Variants in MCC observed in about 807,000 individuals in gnomAD.
MCC encodes colorectal mutant cancer protein.
In MCC, 90 loss-of-function variants were observed where a neutral mutation model predicts 116.2. That is an observed-to-expected ratio of 0.77 (90% confidence interval 0.65 to 0.92). MCC has a LOEUF of 0.92. MCC is among the 40% of genes least tolerant of loss of function. MCC has a pLI of 0.00. For missense variants in MCC, 1,516 were observed against 1,312.2 expected, an observed-to-expected ratio of 1.16 and a Z score of -2.40; for synonymous variants, 578 against 510.5, an observed-to-expected ratio of 1.13 and a Z score of -1.78.
At chr5:113,447,365 T>A (rs1771253183) in intron 1 of MCC, among the ~76,000 whole-genome samples, 1 of 152,230 alleles carries the variant, frequency 6.6e-6, no homozygotes, top group African/African-American at 2.4e-5. Flanking sequence ...GTTTACTTTT[T>A]CCTTTATAAA....
rs187018160 is a variant in MCC, at chr5:113,190,592, C to T, written c.628-39170G>A. ...TGTAGAGCTATTCAGTATTAGTGTCCCTTCTGCTGAAAAAACCAAACAGAC... is the reference window on the plus strand; with the variant it reads ...TGTAGAGCTATTCAGTATTAGTGTCTCTTCTGCTGAAAAAACCAAACAGAC... On this transcript the variant is annotated intron_variant, in intron 3 of 18. Transcript: ENST00000408903. Among the ~76,000 whole-genome samples the T allele has an allele frequency of 9.2e-5, 14 of 152,206 alleles. 1 individual carries two copies. Among genetic ancestry groups the T allele is most frequent in the African/African-American group, 3.1e-4 (13 of 41,540 alleles).
At chr5:113,237,383 A>G (rs1764171867) in intron 3 of MCC, among the ~76,000 whole-genome samples, 1 of 152,192 alleles carries the variant, frequency 6.6e-6, no homozygotes, top group Non-Finnish European at 1.5e-5. Flanking sequence ...ATTTTCATTG[A>G]TATGCGGAAA....
chr5:113,033,964 G>A (rs1252367998), intron 17 of MCC, among the ~76,000 whole-genome samples: 1 of 152,182 alleles, frequency 6.6e-6, no homozygotes, highest in Non-Finnish European at 1.5e-5. Flanking sequence ...ACAGCTCACT[G>A]CAGCCTCGAC....
At chr5:113,258,173 A>AAAGAACCTAGAATAGCCAG (rs1257600074) in intron 3 of MCC, among the ~76,000 whole-genome samples, 4 of 152,240 alleles carry the variant, frequency 2.6e-5, no homozygotes, top group African/African-American at 9.6e-5. Context: ...GAAAGGAATT[A>AAAGAACCTAGAATAGCCAG]AAAAACCAAA....
chr5:113,370,145 A>AT (rs1393078495), intron 2 of MCC, among the ~76,000 whole-genome samples: 41 of 152,194 alleles, frequency 2.7e-4, no homozygotes, highest in African/African-American at 9.9e-4. Context: ...CTTATTCTAC[A>AT]CAGTTGGCAA....
At chr5:113,226,277 A>C (rs1220174577) in intron 3 of MCC, among the ~76,000 whole-genome samples, 1 of 152,254 alleles carries the variant, frequency 6.6e-6, no homozygotes, top group Non-Finnish European at 1.5e-5. Flanking sequence ...ATTCCATGGA[A>C]TGGAACTGAG....
chr5:113,208,536 T>C (rs1398642924), intron 3 of MCC, among the ~76,000 whole-genome samples: 1 of 152,126 alleles, frequency 6.6e-6, no homozygotes, highest in African/African-American at 2.4e-5. Context: ...CTCAAAGAAC[T>C]AGGTTCTTCG....
intron 7 of MCC, among the ~76,000 whole-genome samples, chr5:113,103,314 T>A (rs897318858): frequency 1.3e-5 from 2 of 152,200 alleles, no homozygotes; most frequent in African/African-American, 4.8e-5. Context: ...CCAGACCCTG[T>A]GGCTTTGTCC....
In MCC at chr5:113,308,678, T is replaced by C. The variant is rs191585828; in HGVS notation, c.627+31841A>G. On this transcript the variant is annotated intron_variant, in intron 3 of 18. Coordinates refer to ENST00000408903, the MANE Select transcript of MCC (RefSeq NM_001085377.2). ...GTCTCTACAGAAAATCTAACAAAAATTATCCAGGCCTGGTCCCAGCTACTC... is the reference window on the plus strand; with the variant it reads ...GTCTCTACAGAAAATCTAACAAAAACTATCCAGGCCTGGTCCCAGCTACTC... Among the ~76,000 whole-genome samples the C allele has an allele frequency of 2.8e-4, 42 of 151,976 alleles. No individual in the cohort carries two copies. The East Asian group carries it at 7.0e-3, about 25-fold the overall frequency.
At chr5:113,296,806 A>AT (rs1766725462) in intron 3 of MCC, among the ~76,000 whole-genome samples, 1 of 152,180 alleles carries the variant, frequency 6.6e-6, no homozygotes, top group Non-Finnish European at 1.5e-5. Context: ...AGTAACTAAT[A>AT]TGAACTCAAA....
At chr5:113,301,570 GA>G (rs1766862639) in intron 3 of MCC, among the ~76,000 whole-genome samples, 1 of 152,126 alleles carries the variant, frequency 6.6e-6, no homozygotes, top group Non-Finnish European at 1.5e-5. Context: ...TGCTATAAAG[GA>G]ATTAAACAGG....
chr5:113,262,338 C>T (rs1765248888), intron 3 of MCC, among the ~76,000 whole-genome samples: 1 of 152,090 alleles, frequency 6.6e-6, no homozygotes, highest in Non-Finnish European at 1.5e-5. Context: ...CAAGCGAAAC[C>T]ATCCTTGGCT....
intron 1 of MCC, among the ~76,000 whole-genome samples, chr5:113,409,230 C>T (rs946454617): frequency 7.9e-5 from 12 of 152,162 alleles, no homozygotes; most frequent in Admixed American, 2.0e-4. Context: ...AAAGACATTT[C>T]GGGAAATGTA....
intron 9 of MCC, 139 bp downstream of exon 9, chr5:113,085,025 A>C: frequency 1.4e-5 from 16 of 1,116,242 alleles, no homozygotes; most frequent in Non-Finnish European, 2.0e-5. Context: ...TCCTGCATAG[A>C]AGGCCTGCGT....
In MCC at chr5:113,424,210, G is replaced by A. The variant is rs148590880; in HGVS notation, c.171-38998C>T. ...ATTCTAATCAGCTTTGTTATGCCTC[G>A]CCCTTAAATATCAGGAACAACTGAA... On this transcript the variant is annotated intron_variant, in intron 1 of 18. Transcript: ENST00000408903. Among the ~76,000 whole-genome samples the A allele has an allele frequency of 4.0e-3, 582 of 144,204 alleles. 7 individuals are homozygous for A. Among genetic ancestry groups the A allele is most frequent in the African/African-American group, 0.014 (529 of 38,262 alleles). The allele number at this position is 144,204 out of a possible 152,430, so 94.6% of individuals were successfully genotyped here. A position where few individuals can be genotyped will look rare whatever the true frequency, so the allele number is the denominator to read the frequency against.
chr5:113,385,577 TAGAAC>T (rs1192676286), intron 1 of MCC, among the ~76,000 whole-genome samples: 36 of 152,324 alleles, frequency 2.4e-4, no homozygotes, highest in African/African-American at 8.4e-4. Context: ...TTTCAGAACA[TAGAAC>T]AGACATTATT....
intron 3 of MCC, among the ~76,000 whole-genome samples, chr5:113,312,035 G>A (rs1767146846): frequency 6.6e-6 from 1 of 152,178 alleles, no homozygotes; most frequent in South Asian, 2.1e-4. Flanking sequence ...GAAACCGGGC[G>A]GCAGAGTTTG....
intron 2 of MCC, among the ~76,000 whole-genome samples, chr5:113,366,763 G>A (rs1581430636): frequency 9.9e-6 from 1 of 101,406 alleles, no homozygotes; most frequent in South Asian, 2.6e-4. Context: ...TAAAGGAGAA[G>A]GTTAAAAATA....
intron 5 of MCC, among the ~76,000 whole-genome samples, chr5:113,128,049 TA>T (rs1758181980): frequency 6.6e-6 from 1 of 152,214 alleles, no homozygotes; most frequent in African/African-American, 2.4e-5. Flanking sequence ...CATTATTGGT[TA>T]GGGGTAAAAT....
Sources: allele counts gnomAD v4.1 joint callset (sites outside exome capture counted in the v4.1 genomes callset), GRCh38; gene constraint gnomAD v4.1.1; transcripts MANE v1.5; gene names NCBI Gene and HGNC (gene_info 2026-07-23, HGNC 2026-07-21).